Variants in CA13 observed in about 807,000 individuals in gnomAD.
CA13 encodes the protein carbonic anhydrase 13, also known as CA-XIII.
In CA13, 21 loss-of-function variants were observed where a neutral mutation model predicts 31.5. The ratio of observed to expected loss-of-function variants is 0.67; its 90% CI spans 0.47 to 0.96. The LOEUF is 0.96. Among genes scored for constraint, CA13 ranks in the 40% least tolerant of loss-of-function variants. The pLI is 0.00. For synonymous variants in CA13, 117 were observed against 111.4 expected, an observed-to-expected ratio of 1.05 and a Z score of -0.32; for missense variants, 315 against 318.9, an observed-to-expected ratio of 0.99 and a Z score of 0.09.
intron 3 of CA13, among the ~76,000 whole-genome samples, chr8:85,264,557 T>C (rs1445279160): frequency 6.6e-6 from 1 of 152,212 alleles, no homozygotes; most frequent in Non-Finnish European, 1.5e-5. Flanking sequence ...AATATTTTCT[T>C]GGCCTAGTTT....
chr8:85,257,026 A>G (rs1430145146), intron 2 of CA13, among the ~76,000 whole-genome samples: 7 of 152,106 alleles, frequency 4.6e-5, no homozygotes, highest in Non-Finnish European at 2.9e-5. Flanking sequence ...TCTAGATTCC[A>G]AGCAAATTGC....
At chr8:85,276,760 C>T (rs1292939015) in intron 6 of CA13, among the ~76,000 whole-genome samples, 1 of 152,022 alleles carries the variant, frequency 6.6e-6, no homozygotes, top group African/African-American at 2.4e-5. Flanking sequence ...AATCAGCACC[C>T]TTTGTTTAGC....
intron 6 of CA13, among the ~76,000 whole-genome samples, chr8:85,271,682 AT>A (rs2129994547): frequency 6.6e-6 from 1 of 152,196 alleles, no homozygotes; most frequent in Non-Finnish European, 1.5e-5. Flanking sequence ...TTTTTTGTTT[AT>A]TATATTTGCA....
chr8:85,247,934 A>G (rs1232394186), intron 1 of CA13, among the ~76,000 whole-genome samples: 1 of 151,106 alleles, frequency 6.6e-6, no homozygotes, highest in South Asian at 2.1e-4. Flanking sequence ...CCAGTGACTG[A>G]GCAGATAAAA....
Position 85,268,579 on chromosome 8 carries a change from T to TA in CA13, c.621_622insA (p.Val208SerfsTer30). 6.2e-7 allele frequency: 1 copy of TA among 1,613,936 alleles called. No individual in the cohort carries two copies. The highest frequency in any genetic ancestry group is 8.5e-7 in the Non-Finnish European group (1 of 1,179,918). On this transcript the variant is annotated frameshift_variant, in exon 6 of 7. Coordinates refer to ENST00000321764, the MANE Select transcript of CA13 (RefSeq NM_198584.3). LOFTEE classifies it high-confidence loss of function. Reference sequence around the variant, plus strand: ...TTACAGTTCCACCTCTTCTTGAGAGTGTCACATGGATTGTTTTAAAGCAAC... The same window carrying TA: ...TTACAGTTCCACCTCTTCTTGAGAGTAGTCACATGGATTGTTTTAAAGCAAC...
At position 85,280,603 on chromosome 8, in the gene CA13, T is replaced by G. The variant is rs184558564; in HGVS notation, c.670-627T>G. On this transcript the variant is annotated intron_variant, in intron 6 of 6. Transcript: ENST00000321764. The stretch of plus-strand genomic sequence containing the variant: ...CAAAATAAACACCAAAGATTTTCTT[T>G]TATTAATTGACAGTATAATTTTGGT... Among the ~76,000 whole-genome samples the G allele has an allele frequency of 3.4e-3, 521 of 152,344 alleles. 2 individuals carry two copies. The highest frequency in any genetic ancestry group is 7.5e-3 in the South Asian group (36 of 4,832).
intron 4 of CA13, chr8:85,267,278 T>C (rs551526128): frequency 1.8e-4 from 182 of 985,972 alleles, no homozygotes; most frequent in South Asian, 1.2e-3. Context: ...AGAGAATGCT[T>C]CACGGATGGC....
intron 6 of CA13, among the ~76,000 whole-genome samples, chr8:85,272,911 G>A (rs1034686577): frequency 2.2e-4 from 33 of 151,956 alleles, no homozygotes; most frequent in African/African-American, 6.5e-4. Flanking sequence ...ACCACCTCCC[G>A]GGTTCAAGAG....
rs969642002 is a variant in CA13 at position 85,260,693 on chromosome 8, T to A, written c.354+1154T>A. On this transcript the variant is annotated intron_variant, in intron 3 of 6. Coordinates refer to ENST00000321764, the MANE Select transcript of CA13 (RefSeq NM_198584.3). ...AGTTTTTTATGATGGTGGACAAACT[T>A]TGTCTAGAAGGTAGAAAGTGGGACT... Among the ~76,000 whole-genome samples, 12 of 152,176 alleles carry A rather than the reference T, an allele frequency of 7.9e-5. No homozygotes were observed. The East Asian group carries it at 2.3e-3, about 29-fold the overall frequency.
Position 85,245,686 on chromosome 8 carries a change from C to A in CA13, c.-143C>A. On this transcript the variant is annotated 5_prime_UTR_variant, in exon 1 of 7. Coordinates refer to ENST00000321764, the MANE Select transcript of CA13 (RefSeq NM_198584.3). ...TCTGGAGGACGCAGGCGGGAGCGCC[C>A]CGGACCGGGTTCACGGTCTCGCACT... 2.1e-6 allele frequency: 2 copies of A among 933,514 alleles called. No homozygotes were observed. The highest frequency in any genetic ancestry group is 2.4e-5 in the East Asian group (1 of 40,872). 57.8% of individuals were successfully genotyped at this position (933,514 alleles called of 1,614,324 possible).
intron 6 of CA13, among the ~76,000 whole-genome samples, chr8:85,274,252 G>A (rs1807568310): frequency 6.6e-6 from 1 of 152,130 alleles, no homozygotes; most frequent in African/African-American, 2.4e-5. Context: ...GAGCACCTTG[G>A]AAAAAGAAAA....
intron 6 of CA13, among the ~76,000 whole-genome samples, chr8:85,277,839 C>T (rs1342035601): frequency 6.6e-6 from 1 of 152,164 alleles, no homozygotes; most frequent in African/African-American, 2.4e-5. Context: ...GACGGCCTCC[C>T]TCTCAGTCTT....
rs373153648 is a variant in CA13 at position 85,276,330 on chromosome 8, G to C, written c.670-4900G>C. 1.6e-3 allele frequency among the ~76,000 whole-genome samples: 242 copies of C among 152,292 alleles called. 2 individuals carry two copies. Among genetic ancestry groups the C allele is most frequent in the African/African-American group, 5.6e-3 (234 of 41,562 alleles). On this transcript the variant is annotated intron_variant, in intron 6 of 6. Transcript: ENST00000321764. ...CCCCAACCTCCGTGGGCTCCTGTGCGGCCCGAGCTTCCCCAAACGATCGCT... is the reference window on the plus strand; with the variant it reads ...CCCCAACCTCCGTGGGCTCCTGTGCCGCCCGAGCTTCCCCAAACGATCGCT...
chr8:85,269,113 G>A (rs1056741863), intron 6 of CA13, among the ~76,000 whole-genome samples: 1 of 152,202 alleles, frequency 6.6e-6, no homozygotes. Context: ...AGAAATGTGT[G>A]CCTGCTAAGT....
chr8:85,260,304 C>T (rs1807358855), intron 3 of CA13, among the ~76,000 whole-genome samples: 1 of 152,174 alleles, frequency 6.6e-6, no homozygotes, highest in Non-Finnish European at 1.5e-5. Context: ...TAACACCCAA[C>T]TTTACCATGA....
At chr8:85,276,374 C>T (rs1190185702) in intron 6 of CA13, among the ~76,000 whole-genome samples, 1 of 152,240 alleles carries the variant, frequency 6.6e-6, no homozygotes, top group Non-Finnish European at 1.5e-5. Flanking sequence ...CTCCACGGTG[C>T]CCAGTCACAT....
At chr8:85,268,081 GAA>G in intron 5 of CA13, 117 bp downstream of exon 5, 1 of 631,556 alleles carries the variant, frequency 1.6e-6, no homozygotes, top group Non-Finnish European at 2.7e-6. Flanking sequence ...CATACTTGAT[GAA>G]AAAAAGCAGA....
chr8:85,246,529 A>G (rs1813734046), intron 1 of CA13: 1 of 455,910 alleles, frequency 2.2e-6, no homozygotes, highest in South Asian at 1.5e-5. Context: ...CTCCACGCTC[A>G]TCCTTGCAGG....
At chr8:85,252,785 C>T (rs536856585) in intron 2 of CA13, among the ~76,000 whole-genome samples, 2 of 152,132 alleles carry the variant, frequency 1.3e-5, no homozygotes, top group South Asian at 4.1e-4. Context: ...TTTTAAAAAT[C>T]CTTAATTGAA....
Sources: gnomAD v4.1 joint callset for allele counts (sites outside exome capture counted in the v4.1 genomes callset) on GRCh38, gnomAD v4.1.1 for gene constraint, MANE v1.5 for transcripts, NCBI Gene and HGNC (gene_info 2026-07-23, HGNC 2026-07-21) for gene names.